CENPN: variants seen among roughly 807,000 people sequenced by gnomAD.
CENPN encodes centromere protein N.
A neutral mutation model predicts 48.6 loss-of-function variants in CENPN; 36 were observed. That is an observed-to-expected ratio of 0.74 (90% confidence interval 0.57 to 0.98). The LOEUF (loss-of-function observed/expected upper bound fraction) is 0.98, where lower values mean the gene tolerates loss of function less well. Among genes scored for constraint, CENPN ranks in the 50% least tolerant of loss-of-function variants. CENPN has a pLI of 0.00. For missense variants in CENPN, 439 were observed against 399.2 expected (o/e 1.10, Z -0.85); for synonymous variants, 166 against 135.2 (o/e 1.23, Z -1.58).
intron 2 of CENPN, 57 bp downstream of exon 2, chr16:81,012,167 T>G: frequency 6.8e-7 from 1 of 1,479,804 alleles, no homozygotes; most frequent in Non-Finnish European, 9.3e-7. Context: ...TGGGTTTTTC[T>G]TTCTTCTATT....
chr16:81,009,600 A>G (rs2602424), intron 1 of CENPN, among the ~76,000 whole-genome samples: 99,937 of 152,136 alleles, frequency 0.66, 34,400 homozygotes, highest in Middle Eastern at 0.8. Flanking sequence ...CTATTTCTAA[A>G]TGACTCCTAA....
chr16:81,016,639 T>A (rs1969945330), intron 3 of CENPN, among the ~76,000 whole-genome samples: 1 of 152,092 alleles, frequency 6.6e-6, no homozygotes, highest in Admixed American at 6.6e-5. Flanking sequence ...GGCAGGCATG[T>A]GTAATTCCAG....
Position 81,017,429 on chromosome 16 carries a change from G to A in CENPN, c.277+44G>A, listed in dbSNP as rs774349900. On this transcript the variant is annotated intron_variant, in intron 4 of 10. Transcript: ENST00000305850. ...AATTGAATATTTGATAGTTTGGCTT[G>A]GACTCAGGAAGCAGAGGTTACAGCG... is the stretch of plus-strand genomic sequence containing the variant. 6 of 1,367,252 alleles carry A rather than the reference G, an allele frequency of 4.4e-6. No individual in the cohort carries two copies. In the South Asian group the frequency reaches 4.7e-5, roughly 11 times the overall value. The allele number at this position is 1,367,252 out of a possible 1,614,324, so 84.7% of individuals were successfully genotyped here.
intron 1 of CENPN, among the ~76,000 whole-genome samples, chr16:81,007,638 G>A (rs1411508713): frequency 2.0e-5 from 3 of 152,158 alleles, no homozygotes; most frequent in Non-Finnish European, 4.4e-5. Flanking sequence ...CTCGGCTTCC[G>A]TCGTTTTTTG....
In CENPN at chr16:81,030,518, G is replaced by A; in HGVS notation, c.*1867G>A. 9.9e-6 allele frequency: 5 copies of A among 504,682 alleles called. No homozygotes were observed. Among genetic ancestry groups the A allele is most frequent in the Non-Finnish European group, 1.3e-5 (5 of 390,992 alleles). 31.3% of individuals were successfully genotyped at this position (504,682 alleles called of 1,614,324 possible). A position where few individuals can be genotyped will look rare whatever the true frequency, so the allele number is the denominator to read the frequency against. On this transcript the variant is annotated 3_prime_UTR_variant, in exon 11 of 11. Transcript: ENST00000305850. The stretch of plus-strand genomic sequence containing the variant: ...AATCCTAGCACTTTGGGAAGCCGAG[G>A]TGGGCAGATCACCCGAGGTCAGGAG...
chr16:81,008,329 G>C (rs1173733263), intron 1 of CENPN, among the ~76,000 whole-genome samples: 1 of 152,072 alleles, frequency 6.6e-6, no homozygotes, highest in South Asian at 2.1e-4. Flanking sequence ...TAGGGCCCAG[G>C]AATCTTCATT....
At position 81,017,743 on chromosome 16, in the gene CENPN, T is replaced by C. The variant is rs777652522; in HGVS notation, c.278-15T>C. 6.4e-7 allele frequency: 1 copy of C among 1,566,322 alleles called. No individual in the cohort carries two copies. Among genetic ancestry groups the C allele is most frequent in the Admixed American group, 2.0e-5 (1 of 50,578 alleles). The stretch of plus-strand genomic sequence containing the variant: ...GCTCCCTTGATTTTTCTTTATTTTT[T>C]TTTCACTTTGGCAGGTGAAGATGTT... On this transcript the variant is annotated splice_polypyrimidine_tract_variant and intron_variant, in intron 4 of 10. Coordinates refer to ENST00000305850, the MANE Select transcript of CENPN (RefSeq NM_001100624.3).
intron 8 of CENPN, among the ~76,000 whole-genome samples, chr16:81,025,219 G>A (rs1970409245): frequency 6.6e-6 from 1 of 152,184 alleles, no homozygotes; most frequent in South Asian, 2.1e-4. Flanking sequence ...TCTGGATCTG[G>A]AGCCCATGCT....
Position 81,031,300 on chromosome 16 carries a change from CTA to C in CENPN, c.*2651_*2652del, listed in dbSNP as rs1970764349. The C allele has an allele frequency of 6.6e-6, 1 of 152,164 alleles. No homozygotes were observed. The allele number at this position is 152,164 out of a possible 1,614,324, so 9.4% of individuals were successfully genotyped here. Reference sequence around the variant, plus strand: ...CTCCTCAACAGCACCAACCAATAAACTATGGATTTTTGTACTAAGCCAGTTGC... The same window carrying C: ...CTCCTCAACAGCACCAACCAATAAACTGGATTTTTGTACTAAGCCAGTTGC... On this transcript the variant is annotated 3_prime_UTR_variant, in exon 11 of 11. Coordinates refer to ENST00000305850, the MANE Select transcript of CENPN (RefSeq NM_001100624.3).
chr16:81,017,323 C>G lies in CENPN; in HGVS notation c.218-3C>G. On this transcript the variant is annotated splice_polypyrimidine_tract_variant and splice_region_variant and intron_variant, in intron 3 of 10. Transcript: ENST00000305850. ...AGTAATAAAGCTTTCTTCCCTCTCT[C>G]AGATATGCAATTTCATCAGCACCAG... 1 of 1,587,632 alleles carries G rather than the reference C, an allele frequency of 6.3e-7. No individual in the cohort carries two copies. Among genetic ancestry groups the G allele is most frequent in the African/African-American group, 1.3e-5 (1 of 74,464 alleles).
rs775180407 is a variant in CENPN, at chr16:81,017,416, G to C, written c.277+31G>C. 1.1e-5 allele frequency: 16 copies of C among 1,466,672 alleles called. No individual in the cohort carries two copies. The African/African-American group carries it at 2.1e-4, about 19-fold the overall frequency. The allele number at this position is 1,466,672 out of a possible 1,614,324, so 90.9% of individuals were successfully genotyped here. ...ATTTTCTGTTTACAATTGAATATTT[G>C]ATAGTTTGGCTTGGACTCAGGAAGC... On this transcript the variant is annotated intron_variant, in intron 4 of 10. Transcript: ENST00000305850.
Position 81,020,234 on chromosome 16 carries a change from GTCC to G in CENPN, c.496_498del (p.Ser166del), listed in dbSNP as rs1330217457. On this transcript the variant is annotated inframe_deletion, in exon 6 of 11. Transcript: ENST00000305850. ...ACTCCCAGACTCCGTACGCCTTCAC[GTCC>G]TCCTCCATGCTGAGGCGCAATACAC... The G allele has an allele frequency of 6.2e-7, 1 of 1,613,938 alleles. No homozygotes were observed. Among genetic ancestry groups the G allele is most frequent in the South Asian group, 1.1e-5 (1 of 91,036 alleles).
chr16:81,011,836 C>T, intron 1 of CENPN, 94 bp from the exon 2 acceptor site: 1 of 1,055,720 alleles, frequency 9.5e-7, no homozygotes, highest in Non-Finnish European at 1.4e-6. Context: ...GACCCTGTCT[C>T]TATTTTTCAT....
chr16:81,014,448 G>T (rs1368144567), intron 3 of CENPN: 22 of 402,296 alleles, frequency 5.5e-5, no homozygotes, highest in Non-Finnish European at 2.3e-5. Context: ...GCCCAGGCTG[G>T]TCTCCAGCTC....
At chr16:81,017,883 G>A (rs377368243) in intron 5 of CENPN, 49 bp downstream of exon 5, 28 of 1,134,726 alleles carry the variant, frequency 2.5e-5, no homozygotes, top group Non-Finnish European at 2.2e-5. Context: ...CATGACGTCT[G>A]TGCACTTAAA....
intron 7 of CENPN, 68 bp from the exon 8 acceptor site, chr16:81,024,646 TA>T (rs906482599): frequency 5.0e-3 from 4,694 of 947,714 alleles, no homozygotes; most frequent in Non-Finnish European, 5.3e-3. Flanking sequence ...TTTAATATAC[TA>T]AAAAAAAAAT....
downstream of CENPN, among the ~76,000 whole-genome samples, chr16:81,032,298 A>AAGTTAATTTCC: frequency 6.6e-6 from 1 of 152,330 alleles, no homozygotes; most frequent in Non-Finnish European, 1.5e-5. Context: ...TTCAGATTCC[A>AAGTTAATTTCC]AAGAGAATCA....
At chr16:81,032,851 T>G (rs2151729299), downstream of CENPN, 2 of 726,844 alleles carry the variant, frequency 2.8e-6, no homozygotes, top group East Asian at 2.8e-5. Flanking sequence ...GGATGTGCAC[T>G]GACTTGACAA....
intron 2 of CENPN, among the ~76,000 whole-genome samples, chr16:81,012,894 C>T (rs994123775): frequency 6.6e-6 from 1 of 152,120 alleles, no homozygotes; most frequent in African/African-American, 2.4e-5. Flanking sequence ...CATGCCTGGC[C>T]TCCTTTGCTT....
Sources: gnomAD v4.1 joint callset for allele counts (sites outside exome capture counted in the v4.1 genomes callset) on GRCh38, gnomAD v4.1.1 for gene constraint, MANE v1.5 for transcripts, NCBI Gene and HGNC (gene_info 2026-07-23, HGNC 2026-07-21) for gene names.